Variants in SCPEP1 observed in about 807,000 individuals in gnomAD.
SCPEP1 encodes serine carboxypeptidase 1.
In SCPEP1, 51 loss-of-function variants were observed where a neutral mutation model predicts 63.8. The ratio of observed to expected loss-of-function variants is 0.80; its 90% CI spans 0.64 to 1.01. The LOEUF is 1.01. Ranked by LOEUF, SCPEP1 falls within the 50% of genes least tolerant of loss-of-function variation. The probability of loss-of-function intolerance (pLI) is 0.00; values close to 1 mark genes in which losing one functional copy is unlikely to be tolerated. For missense variants in SCPEP1, 499 were observed against 554.9 expected (o/e 0.90, Z 1.01); for synonymous variants, 204 against 207.8 (o/e 0.98, Z 0.16).
chr17:56,989,613 G>C (rs906142683), intron 5 of SCPEP1, among the ~76,000 whole-genome samples: 1 of 152,160 alleles, frequency 6.6e-6, no homozygotes, highest in African/African-American at 2.4e-5. Context: ...AAATAAAGTA[G>C]GTATATCTTT....
In SCPEP1 at chr17:56,988,261, G is replaced by A. The variant is rs202026402; in HGVS notation, c.517G>A (p.Ala173Thr). 187 of 1,613,046 alleles carry A rather than the reference G, an allele frequency of 1.2e-4. No homozygotes were observed. The East Asian group carries it at 3.9e-3, about 34-fold the overall frequency. Reference protein sequence around the residue: ...IFSESYGGKMAAGIGLELYKA... With the variant: ...IFSESYGGKMTAGIGLELYKA... The stretch of plus-strand genomic sequence containing the variant: ...CTCAGAGTCCTATGGAGGAAAAATG[G>A]CAGCTGGCATTGGTCTAGAGCTTTA... Residue 173 changes from alanine to threonine, a missense_variant, in exon 5 of 13, where the codon GCA becomes ACA. By Grantham distance (58) the Ala-to-Thr change is moderately conservative (BLOSUM62 0). Coordinates refer to ENST00000262288, the MANE Select transcript of SCPEP1 (RefSeq NM_021626.3).
intron 12 of SCPEP1, among the ~76,000 whole-genome samples, chr17:57,005,746 C>T (rs949665669): frequency 3.9e-5 from 6 of 152,180 alleles, no homozygotes; most frequent in South Asian, 4.1e-4. Context: ...TTATTATTTG[C>T]GGCTCTCTGC....
At chr17:56,996,497 G>A (rs1038938931) in intron 8 of SCPEP1, among the ~76,000 whole-genome samples, 2 of 151,412 alleles carry the variant, frequency 1.3e-5, no homozygotes, top group East Asian at 1.9e-4. Context: ...GAGCCACCGC[G>A]CCTGGCCTCT....
chr17:56,995,686 G>T lies in SCPEP1; in HGVS notation c.786+51G>T, dbSNP rs910289355. The T allele has an allele frequency of 3.8e-6, 6 of 1,579,578 alleles. No individual in the cohort carries two copies. The Admixed American group carries it at 1.1e-4, about 29-fold the overall frequency. On this transcript the variant is annotated intron_variant, in intron 8 of 12. Coordinates refer to ENST00000262288, the MANE Select transcript of SCPEP1 (RefSeq NM_021626.3). Reference sequence around the variant, plus strand: ...GAGCCTGCTTGGCTTTTTCTGGTGGGTACAGGGCCCATGGTTGGTGTTGTC... The same window carrying T: ...GAGCCTGCTTGGCTTTTTCTGGTGGTTACAGGGCCCATGGTTGGTGTTGTC...
intron 5 of SCPEP1, among the ~76,000 whole-genome samples, chr17:56,989,024 A>C (rs1427948674): frequency 3.7e-5 from 5 of 134,172 alleles, no homozygotes; most frequent in Admixed American, 7.3e-5. Context: ...CTGTTTCTAC[A>C]AAAAAAAAAA....
intron 10 of SCPEP1, among the ~76,000 whole-genome samples, chr17:56,999,556 A>C (rs1197794196): frequency 6.6e-6 from 1 of 152,082 alleles, no homozygotes; most frequent in Non-Finnish European, 1.5e-5. Flanking sequence ...TGCTGCTGGG[A>C]GCTTTCTCAG....
At chr17:56,986,849 G>C (rs547134150) in intron 3 of SCPEP1, among the ~76,000 whole-genome samples, 101 of 152,272 alleles carry the variant, frequency 6.6e-4, no homozygotes, top group African/African-American at 2.1e-3. Flanking sequence ...GCGGCCTCTG[G>C]TCTTTCTTAA....
intron 4 of SCPEP1, 83 bp downstream of exon 4, chr17:56,987,933 A>G: frequency 6.9e-7 from 1 of 1,440,628 alleles, no homozygotes; most frequent in African/African-American, 1.4e-5. Context: ...AACTGCCTCC[A>G]GAGTTTAATG....
chr17:56,987,751 T>C lies in SCPEP1; in HGVS notation c.372T>C (p.Tyr124=), dbSNP rs2144483260. 3.1e-6 allele frequency: 5 copies of C among 1,614,114 alleles called. No individual in the cohort carries two copies. The East Asian group carries it at 6.7e-5, about 22-fold the overall frequency. ...ATCCCGTGGGCACTGGGTTCAGTTA[T>C]GTGAATGGTAGTGGTGCCTATGCCA... ...VDNPVGTGFS[Y]VNGSGAYAKD... is the part of the protein sequence containing the mutation. The change falls in exon 4 of 13, where the codon TAT becomes TAC. Residue 124 remains tyrosine (Y), a synonymous_variant. Transcript: ENST00000262288.
chr17:56,994,373 A>G (rs1285980747), intron 6 of SCPEP1, among the ~76,000 whole-genome samples: 1 of 152,254 alleles, frequency 6.6e-6, no homozygotes, highest in African/African-American at 2.4e-5. Context: ...AAGGTCAACT[A>G]CTATTCTCTT....
intron 12 of SCPEP1, 72 bp from the exon 13 acceptor site, chr17:57,006,101 C>T (rs1911883127): frequency 3.2e-6 from 4 of 1,269,536 alleles, no homozygotes; most frequent in Non-Finnish European, 4.5e-6. Flanking sequence ...AGCAAGGTTT[C>T]AGGATGTTGC....
rs1349971500 is a variant in SCPEP1 at position 57,000,910 on chromosome 17, T to C, written c.1050T>C (p.Ile350=). 6.2e-7 allele frequency: 1 copy of C among 1,614,160 alleles called. No individual in the cohort carries two copies. Among genetic ancestry groups the C allele is most frequent in the Admixed American group, 1.7e-5 (1 of 60,016 alleles). The change falls in exon 11 of 13, where the codon ATT becomes ATC. Residue 350 remains isoleucine, a synonymous_variant. Coordinates refer to ENST00000262288, the MANE Select transcript of SCPEP1 (RefSeq NM_021626.3). ...NMEEDFMKPV[I]SIVDELLEAG... is the part of the protein sequence containing the mutation. ...AGGAGGACTTCATGAAGCCAGTCATTAGCATTGTGGACGAGTTGCTGGAGG... is the reference window on the plus strand; with the variant it reads ...AGGAGGACTTCATGAAGCCAGTCATCAGCATTGTGGACGAGTTGCTGGAGG...
At chr17:57,000,720 G>T (rs1911712818) in intron 10 of SCPEP1, 135 bp from the exon 11 acceptor site, 2 of 1,018,500 alleles carry the variant, frequency 2.0e-6, no homozygotes, top group African/African-American at 1.6e-5. Context: ...TTCTGGGCTG[G>T]TTCATCCCTG....
intron 6 of SCPEP1, among the ~76,000 whole-genome samples, chr17:56,992,614 G>A (rs377601472): frequency 6.6e-6 from 1 of 152,178 alleles, no homozygotes; most frequent in East Asian, 1.9e-4. Context: ...CAGTTTCACA[G>A]TAGCACTAAG....
At chr17:56,988,363 C>A in intron 5 of SCPEP1, 73 bp downstream of exon 5, 1 of 1,137,596 alleles carries the variant, frequency 8.8e-7, no homozygotes, top group Non-Finnish European at 1.3e-6. Flanking sequence ...TACTCACGTG[C>A]TATTAAATAT....
chr17:56,987,313 G>A (rs1206819735), intron 3 of SCPEP1: 1 of 160,614 alleles, frequency 6.2e-6, no homozygotes, highest in Non-Finnish European at 1.4e-5. Context: ...CAGACTTTGA[G>A]TGTCCTCTGG....
chr17:56,996,999 A>G lies in SCPEP1; in HGVS notation c.824A>G (p.Lys275Arg). 1 of 1,611,018 alleles carries G rather than the reference A, an allele frequency of 6.2e-7. No homozygotes were observed. The highest frequency in any genetic ancestry group is 8.5e-7 in the Non-Finnish European group (1 of 1,178,380). The change falls in exon 9 of 13, where the codon AAA becomes AGA. Residue 275 changes from lysine to arginine, a missense_variant. Physicochemically the swap from Lys to Arg is conservative, Grantham distance 26. Transcript: ENST00000262288. ...GTGAACTTCTATAACATCTTAACTA[A>G]AAGCACTCCCACGTCTACAATGGAG... Reference protein sequence around the residue: ...DGVNFYNILTKSTPTSTMESS... With the variant: ...DGVNFYNILTRSTPTSTMESS...
chr17:56,994,560 A>G (rs1332184005), intron 6 of SCPEP1, among the ~76,000 whole-genome samples: 1 of 152,250 alleles, frequency 6.6e-6, no homozygotes, highest in Non-Finnish European at 1.5e-5. Context: ...AGAAGCTAAT[A>G]TCTCCAAACT....
At chr17:56,985,103 T>TGACAAAGTTAGACTCTGTCTGAAAA (rs1555611210) in intron 2 of SCPEP1, 1 of 381,840 alleles carries the variant, frequency 2.6e-6, no homozygotes, top group East Asian at 5.4e-5. Flanking sequence ...AGACTCTGTC[T>TGACAAAGTTAGACTCTGTCTGAAAA]GAAAAGAAAA....
Sources: gnomAD v4.1 joint callset for allele counts (sites outside exome capture counted in the v4.1 genomes callset) on GRCh38, gnomAD v4.1.1 for gene constraint, MANE v1.5 for transcripts, NCBI Gene and HGNC (gene_info 2026-07-23, HGNC 2026-07-21) for gene names.